SLC24A2: variants seen among roughly 807,000 people sequenced by gnomAD.
SLC24A2 encodes solute carrier family 24 member 2.
SLC24A2 carries 36 observed loss-of-function variants against 62.0 expected under a neutral mutation model. That is an observed-to-expected ratio of 0.58 (90% CI 0.44 to 0.77). The LOEUF (loss-of-function observed/expected upper bound fraction) is 0.77. Ranked by LOEUF, SLC24A2 falls within the 30% of genes least tolerant of loss-of-function variation. The probability of loss-of-function intolerance (pLI) is 0.00; values close to 1 mark genes in which losing one functional copy is unlikely to be tolerated. For missense variants in SLC24A2, 846 were observed against 817.9 expected (o/e 1.03, Z -0.42); for synonymous variants, 358 against 294.0 (o/e 1.22, Z -2.23).
At chr9:20,189,076 CTTTTTTTT>C in the SLC24A2 span, among the ~76,000 whole-genome samples, 1 of 96,532 alleles carries the variant, frequency 1.0e-5, no homozygotes, top group South Asian at 4.1e-4. Context: ...CTTTTTTTTT[CTTTTTTTT>C]TTTTTTTTCC....
At chr9:19,647,121 G>A (rs1251924707) in intron 2 of SLC24A2, among the ~76,000 whole-genome samples, 2 of 145,048 alleles carry the variant, frequency 1.4e-5, no homozygotes, top group Non-Finnish European at 3.0e-5. Context: ...GAGTCTCCCT[G>A]TACTGTAGGA....
chr9:20,277,188 T>C, the SLC24A2 span, among the ~76,000 whole-genome samples: 2 of 152,288 alleles, frequency 1.3e-5, no homozygotes, highest in East Asian at 3.9e-4. Flanking sequence ...AAAGACTTCA[T>C]GACTAAAACA....
chr9:20,303,013 A>C, the SLC24A2 span, among the ~76,000 whole-genome samples: 1 of 152,218 alleles, frequency 6.6e-6, no homozygotes, highest in African/African-American at 2.4e-5. Flanking sequence ...ATATTTTGCT[A>C]AACTTCCATC....
chr9:19,961,586 A>T, the SLC24A2 span, among the ~76,000 whole-genome samples: 87 of 152,302 alleles, frequency 5.7e-4, no homozygotes, highest in African/African-American at 2.0e-3. Flanking sequence ...GTGCCAGGTA[A>T]CCTCTAAGAT....
chr9:19,544,121 T>C (rs1188872863), intron 8 of SLC24A2, among the ~76,000 whole-genome samples: 1 of 152,132 alleles, frequency 6.6e-6, no homozygotes, highest in Non-Finnish European at 1.5e-5. Context: ...TCCTGAATGG[T>C]GTGCATATAT....
chr9:20,105,102 G>T, the SLC24A2 span, among the ~76,000 whole-genome samples: 1 of 152,138 alleles, frequency 6.6e-6, no homozygotes, highest in Non-Finnish European at 1.5e-5. Flanking sequence ...AGACAAAGAA[G>T]GCCATTACAT....
At chr9:20,078,132 G>A in the SLC24A2 span, among the ~76,000 whole-genome samples, 8 of 152,086 alleles carry the variant, frequency 5.3e-5, no homozygotes, top group African/African-American at 1.9e-4. Flanking sequence ...TAACCTATAG[G>A]CTGCCCCTTT....
At chr9:19,807,983 G>C in the SLC24A2 span, among the ~76,000 whole-genome samples, 1 of 152,206 alleles carries the variant, frequency 6.6e-6, no homozygotes, top group Non-Finnish European at 1.5e-5. Context: ...TTAATTCAGA[G>C]AAGACTTATA....
chr9:19,718,387 G>A (rs913827155), intron 2 of SLC24A2, among the ~76,000 whole-genome samples: 2 of 137,344 alleles, frequency 1.5e-5, no homozygotes, highest in African/African-American at 2.8e-5. Context: ...CTGCCTCCCA[G>A]GCTCCAGCCA....
At chr9:19,962,987 C>T in the SLC24A2 span, among the ~76,000 whole-genome samples, 1 of 152,138 alleles carries the variant, frequency 6.6e-6, no homozygotes, top group African/African-American at 2.4e-5. Context: ...ATGATATTGG[C>T]TGTGGGTTTT....
At chr9:19,523,980 T>C (rs932167952) in intron 9 of SLC24A2, among the ~76,000 whole-genome samples, 4 of 152,088 alleles carry the variant, frequency 2.6e-5, no homozygotes, top group Non-Finnish European at 5.9e-5. Context: ...TAAGCTTGTT[T>C]TGAGTACATT....
chr9:20,263,180 C>T, the SLC24A2 span, among the ~76,000 whole-genome samples: 2 of 152,106 alleles, frequency 1.3e-5, no homozygotes, highest in African/African-American at 4.8e-5. Flanking sequence ...TGAGGTTAAC[C>T]TGGAAGGATA....
Position 19,541,506 on chromosome 9 carries a change from G to C in SLC24A2, c.1479+8631C>G, listed in dbSNP as rs1332362864. ...TGCCCCTGCTGGGGGGTGCCTCCCA[G>C]TTAGGCTGCTCGGGGGTCAGGGGTC... On this transcript the variant is annotated intron_variant, in intron 8 of 10. Transcript: ENST00000341998. 6.8e-5 allele frequency among the ~76,000 whole-genome samples: 10 copies of C among 146,746 alleles called. No individual in the cohort carries two copies. The South Asian group carries it at 1.1e-3, about 16-fold the overall frequency.
chr9:19,892,759 C>G, the SLC24A2 span, among the ~76,000 whole-genome samples: 1 of 151,910 alleles, frequency 6.6e-6, no homozygotes, highest in African/African-American at 2.4e-5. Flanking sequence ...CATGGAGGAA[C>G]TGAAGCTTGG....
chr9:20,278,445 G>A, the SLC24A2 span, among the ~76,000 whole-genome samples: 18,688 of 151,970 alleles, frequency 0.12, 1,272 homozygotes, highest in Middle Eastern at 0.16. Context: ...TCTTCTATCA[G>A]ATACCCTAAA....
At chr9:19,731,515 CCG>C (rs1491286663) in intron 2 of SLC24A2, among the ~76,000 whole-genome samples, 50 of 129,420 alleles carry the variant, frequency 3.9e-4, no homozygotes, top group South Asian at 2.5e-3. Context: ...CTCTCTCTCT[CCG>C]TGTGTGTGTG....
intron 5 of SLC24A2, among the ~76,000 whole-genome samples, chr9:19,585,799 C>T (rs532103029): frequency 1.3e-5 from 2 of 152,166 alleles, no homozygotes; most frequent in Non-Finnish European, 2.9e-5. Context: ...AATGACAAAT[C>T]CAATGCTGTC....
At chr9:19,873,641 G>T in the SLC24A2 span, among the ~76,000 whole-genome samples, 1 of 149,196 alleles carries the variant, frequency 6.7e-6, no homozygotes, top group East Asian at 2.0e-4. Flanking sequence ...TAGAGACAGG[G>T]TCTCATATTC....
chr9:19,902,651 G>A, the SLC24A2 span, among the ~76,000 whole-genome samples: 1 of 152,080 alleles, frequency 6.6e-6, no homozygotes, highest in African/African-American at 2.4e-5. Context: ...TGAGTCATTT[G>A]CCTAAGTCTC....
Sources: gnomAD v4.1 joint callset for allele counts (sites outside exome capture counted in the v4.1 genomes callset) on GRCh38, gnomAD v4.1.1 for gene constraint, MANE v1.5 for transcripts, NCBI Gene and HGNC (gene_info 2026-07-23, HGNC 2026-07-21) for gene names.